Variants in BCAS1 observed in about 807,000 individuals in gnomAD.
BCAS1 encodes brain enriched myelin associated protein 1.
A neutral mutation model predicts 65.4 loss-of-function variants in BCAS1; 46 were observed. The observed-to-expected ratio is 0.70, with a 90% CI of 0.55 to 0.90. The LOEUF (loss-of-function observed/expected upper bound fraction) is 0.90, where lower values mean the gene tolerates loss of function less well. BCAS1 is among the 40% of genes least tolerant of loss of function. The probability of loss-of-function intolerance (pLI) is 0.00; values close to 1 mark genes in which losing one functional copy is unlikely to be tolerated. For synonymous variants in BCAS1, 298 were observed against 293.5 expected, an observed-to-expected ratio of 1.02 and a Z score of -0.16; for missense variants, 793 against 771.2, an observed-to-expected ratio of 1.03 and a Z score of -0.33.
intron 1 of BCAS1, among the ~76,000 whole-genome samples, chr20:54,067,730 C>T (rs2092461940): frequency 6.6e-6 from 1 of 152,200 alleles, no homozygotes; most frequent in Admixed American, 6.5e-5. Context: ...GAAACTTCAT[C>T]ACCAGCAGGC....
intron 10 of BCAS1, among the ~76,000 whole-genome samples, chr20:53,960,492 AAAAAG>A (rs1189959097): frequency 0.025 from 3,002 of 120,614 alleles, 247 homozygotes; most frequent in African/African-American, 0.14. Flanking sequence ...AAAAAAAAAA[AAAAAG>A]AGAGAGAGAG....
At chr20:53,956,367 C>T (rs550591939) in intron 11 of BCAS1, among the ~76,000 whole-genome samples, 1 of 152,318 alleles carries the variant, frequency 6.6e-6, no homozygotes, top group African/African-American at 2.4e-5. Context: ...AGGAACCAAA[C>T]CCTGCTGATT....
chr20:53,962,365 G>C (rs1000783675), intron 10 of BCAS1, among the ~76,000 whole-genome samples: 1 of 152,102 alleles, frequency 6.6e-6, no homozygotes, highest in African/African-American at 2.4e-5. Flanking sequence ...CTAAGCCTGA[G>C]AACATTATTC....
intron 3 of BCAS1, among the ~76,000 whole-genome samples, chr20:54,048,011 A>C (rs2146260279): frequency 6.6e-6 from 1 of 152,232 alleles, no homozygotes; most frequent in African/African-American, 2.4e-5. Context: ...TGAGCATAGA[A>C]AGTTGTGGGT....
At chr20:54,003,528 T>C (rs2091111739) in intron 4 of BCAS1, among the ~76,000 whole-genome samples, 1 of 152,238 alleles carries the variant, frequency 6.6e-6, no homozygotes, top group African/African-American at 2.4e-5. Flanking sequence ...ACTTAGATTA[T>C]GCACTTAGAC....
intron 9 of BCAS1, among the ~76,000 whole-genome samples, chr20:53,973,096 C>T (rs1246816389): frequency 2.6e-5 from 4 of 152,232 alleles, no homozygotes; most frequent in East Asian, 1.9e-4. Flanking sequence ...GGCATGGTGG[C>T]GCATGCCTGT....
At chr20:54,050,888 A>G (rs574793207) in intron 3 of BCAS1, among the ~76,000 whole-genome samples, 1 of 152,344 alleles carries the variant, frequency 6.6e-6, no homozygotes, top group East Asian at 1.9e-4. Flanking sequence ...GCTTGGTTTT[A>G]TGCTAATACT....
intron 3 of BCAS1, among the ~76,000 whole-genome samples, chr20:54,035,985 T>C (rs988776580): frequency 2.6e-5 from 4 of 151,202 alleles, no homozygotes; most frequent in Non-Finnish European, 4.4e-5. Flanking sequence ...TTCTCACTTA[T>C]AAATGGGAGC....
At chr20:54,041,205 G>A (rs1017154042) in intron 3 of BCAS1, among the ~76,000 whole-genome samples, 18 of 151,308 alleles carry the variant, frequency 1.2e-4, no homozygotes, top group Admixed American at 1.1e-3. Flanking sequence ...TAAAGGGTAG[G>A]GAGTTTTGTT....
intron 4 of BCAS1, among the ~76,000 whole-genome samples, chr20:54,013,669 A>T (rs2091370158): frequency 6.6e-6 from 1 of 152,226 alleles, no homozygotes; most frequent in East Asian, 1.9e-4. Flanking sequence ...GTTAATAGCG[A>T]AAGTCTGGAA....
chr20:53,976,323 A>G (rs1292551312), intron 8 of BCAS1, among the ~76,000 whole-genome samples: 3 of 152,216 alleles, frequency 2.0e-5, no homozygotes, highest in African/African-American at 7.2e-5. Context: ...CATAAACAAT[A>G]TACTTTGCAA....
intron 8 of BCAS1, among the ~76,000 whole-genome samples, chr20:53,978,787 G>T (rs2090402991): frequency 6.6e-6 from 1 of 152,172 alleles, no homozygotes; most frequent in Non-Finnish European, 1.5e-5. Context: ...TTTAGTGTTT[G>T]ACACATGTAA....
chr20:54,047,255 C>T (rs972574206), intron 3 of BCAS1, among the ~76,000 whole-genome samples: 1 of 152,172 alleles, frequency 6.6e-6, no homozygotes, highest in Non-Finnish European at 1.5e-5. Context: ...AAGGCAGAAG[C>T]TCCGAGTCTT....
intron 2 of BCAS1, 57 bp downstream of exon 2, chr20:54,058,590 G>GTTAT: frequency 1.6e-6 from 2 of 1,259,226 alleles, no homozygotes; most frequent in Non-Finnish European, 2.1e-6. Flanking sequence ...AATACAGGAA[G>GTTAT]TTCTTTTTTT....
chr20:54,000,175 T>C (rs1460881453), intron 4 of BCAS1, among the ~76,000 whole-genome samples: 2 of 152,230 alleles, frequency 1.3e-5, no homozygotes, highest in African/African-American at 4.8e-5. Context: ...CTCTTCCCCC[T>C]AAGGACATCT....
At chr20:53,978,482 T>C (rs1051886711) in intron 8 of BCAS1, among the ~76,000 whole-genome samples, 3 of 152,246 alleles carry the variant, frequency 2.0e-5, no homozygotes, top group South Asian at 4.1e-4. Context: ...CAGTAAGTTC[T>C]AATTGTTTTT....
At chr20:54,046,764 G>A (rs2092115882) in intron 3 of BCAS1, among the ~76,000 whole-genome samples, 1 of 148,528 alleles carries the variant, frequency 6.7e-6, no homozygotes, top group African/African-American at 2.5e-5. Flanking sequence ...AGAATCACTT[G>A]ATCTGGGACG....
In BCAS1 at chr20:54,046,775, T is replaced by C. The variant is rs555842949; in HGVS notation, c.142+11310A>G. On this transcript the variant is annotated intron_variant, in intron 3 of 12. Transcript: ENST00000688948. Reference sequence around the variant, plus strand: ...CAGGAGAATCACTTGATCTGGGACGTGGAGGTTGCAGCAAGCCAAGATCGT... The same window carrying C: ...CAGGAGAATCACTTGATCTGGGACGCGGAGGTTGCAGCAAGCCAAGATCGT... 7.9e-5 allele frequency among the ~76,000 whole-genome samples: 11 copies of C among 139,324 alleles called. No homozygotes were observed. The South Asian group carries it at 1.4e-3, about 18-fold the overall frequency. The allele number at this position is 139,324 out of a possible 152,430, so 91.4% of individuals were successfully genotyped here. A position where few individuals can be genotyped will look rare whatever the true frequency, so the allele number is the denominator to read the frequency against.
intron 1 of BCAS1, among the ~76,000 whole-genome samples, chr20:54,067,369 C>CTG (rs3043228): frequency 0.5 from 75,757 of 151,766 alleles, 20,547 homozygotes; most frequent in East Asian, 0.6. Context: ...GAATGAAACT[C>CTG]TCTCAATAAG....
Sources: allele counts gnomAD v4.1 joint callset (sites outside exome capture counted in the v4.1 genomes callset), GRCh38; gene constraint gnomAD v4.1.1; transcripts MANE v1.5; gene names NCBI Gene and HGNC (gene_info 2026-07-23, HGNC 2026-07-21).